LRRTM2: variants seen among roughly 807,000 people sequenced by gnomAD.
LRRTM2 encodes leucine-rich repeat transmembrane neuronal protein 2.
A neutral mutation model predicts 40.7 loss-of-function variants in LRRTM2; 14 were observed. The observed-to-expected ratio is 0.34, with a 90% CI of 0.23 to 0.54. LRRTM2 has a LOEUF of 0.54. Ranked by LOEUF, LRRTM2 falls within the 20% of genes least tolerant of loss-of-function variation. The probability of loss-of-function intolerance (pLI) is 0.92; values close to 1 mark genes in which losing one functional copy is unlikely to be tolerated. For missense variants in LRRTM2, 468 were observed against 624.4 expected (o/e 0.75, Z 2.67); for synonymous variants, 223 against 237.6 (o/e 0.94, Z 0.57).
chr5:138,874,827 C>G lies in LRRTM2; in HGVS notation c.4+81G>C, dbSNP rs1201500505. The G allele has an allele frequency of 2.2e-6, 3 of 1,350,514 alleles. No homozygotes were observed. Among genetic ancestry groups the G allele is most frequent in the Middle Eastern group, 1.8e-4 (1 of 5,500 alleles). 83.7% of individuals were successfully genotyped at this position (1,350,514 alleles called of 1,614,324 possible). A position where few individuals can be genotyped will look rare whatever the true frequency, so the allele number is the denominator to read the frequency against. The stretch of plus-strand genomic sequence containing the variant: ...TCCAAAATATGATGGTGATTTCCCT[C>G]ATAAAATGTGAATTCGGTAGCTTAT... On this transcript the variant is annotated intron_variant, in intron 1 of 1. Coordinates refer to ENST00000274711, the MANE Select transcript of LRRTM2 (RefSeq NM_015564.3). The surrounding 1 kb of genome is among the most constrained non-coding windows in gnomAD (Gnocchi z 4.1).
rs980088041 is a variant in LRRTM2, at chr5:138,869,156, A to G, written c.*3854T>C. 1 of 148,554 alleles carries G rather than the reference A, an allele frequency of 6.7e-6. No individual in the cohort carries two copies. The highest frequency in any genetic ancestry group is 1.5e-5 in the Non-Finnish European group (1 of 67,292). The allele number at this position is 148,554 out of a possible 1,614,324, so 9.2% of individuals were successfully genotyped here. A position where few individuals can be genotyped will look rare whatever the true frequency, so the allele number is the denominator to read the frequency against. On this transcript the variant is annotated 3_prime_UTR_variant, in exon 2 of 2. Coordinates refer to ENST00000274711, the MANE Select transcript of LRRTM2 (RefSeq NM_015564.3). ...GTGTTGATAGGAAGGTTCACCAAAC[A>G]TTCCATATATCAGACTTAAAAAAAA...
In LRRTM2 at chr5:138,873,037, C is replaced by G. The variant is rs1406949123; in HGVS notation, c.1524G>C (p.Gln508His). 1 of 1,607,660 alleles carries G rather than the reference C, an allele frequency of 6.2e-7. No homozygotes were observed. The highest frequency in any genetic ancestry group is 8.5e-7 in the Non-Finnish European group (1 of 1,176,856). Residue 508 changes from glutamine (Q) to histidine (H), a missense_variant, in exon 2 of 2, where the codon CAG becomes CAC. Physicochemically the swap from Gln to His is conservative, Grantham distance 24 (BLOSUM62 0). Coordinates refer to ENST00000274711, the MANE Select transcript of LRRTM2 (RefSeq NM_015564.3). The surrounding 1 kb of genome is among the most constrained non-coding windows in gnomAD (Gnocchi z 6.1). ...INGYGQCKCQ[Q>H]LPYKECEV is the part of the protein sequence containing the mutation. ...ATACTTCACATTCTTTGTATGGCAG[C>G]TGCTGACACTTGCACTGTCCATAAC...
In LRRTM2 at chr5:138,874,922, A is replaced by G. The variant is rs1478290361; in HGVS notation, c.-11T>C. On this transcript the variant is annotated 5_prime_UTR_variant, in exon 1 of 2. Transcript: ENST00000274711. This position sits in a 1 kb window ranked among gnomAD's most constrained non-coding sequence, Gnocchi z 4.1. ...CACAGACTTACCCATTCTTCTGAGC[A>G]CATTGGAGGCTGCATTCAGTCGCGG... 5 of 1,613,632 alleles carry G rather than the reference A, an allele frequency of 3.1e-6. No individual in the cohort carries two copies. Among genetic ancestry groups the G allele is most frequent in the South Asian group, 1.1e-5 (1 of 91,086 alleles).
chr5:138,872,852 A>T lies in LRRTM2; in HGVS notation c.*158T>A. 1.9e-6 allele frequency: 1 copy of T among 518,914 alleles called. No homozygotes were observed. Among genetic ancestry groups the T allele is most frequent in the African/African-American group, 1.9e-5 (1 of 51,814 alleles). The allele number at this position is 518,914 out of a possible 1,614,324, so 32.1% of individuals were successfully genotyped here. ...TAACACTTAAAATATGGTTTCATTT[A>T]AAAAATTAAAAATACTTCAACACTT... On this transcript the variant is annotated 3_prime_UTR_variant, in exon 2 of 2. Coordinates refer to ENST00000274711, the MANE Select transcript of LRRTM2 (RefSeq NM_015564.3).
Position 138,871,576 on chromosome 5 carries a change from C to T in LRRTM2, c.*1434G>A, listed in dbSNP as rs1750626455. On this transcript the variant is annotated 3_prime_UTR_variant, in exon 2 of 2. Coordinates refer to ENST00000274711, the MANE Select transcript of LRRTM2 (RefSeq NM_015564.3). ...TTCCCTTTTCAGCAGCAGGTCCTTT[C>T]CCTGTTTGGTGCAGATTGTGTATAA... 6.6e-6 allele frequency: 1 copy of T among 152,212 alleles called. No individual in the cohort carries two copies. 9.4% of individuals were successfully genotyped at this position (152,212 alleles called of 1,614,324 possible). A position where few individuals can be genotyped will look rare whatever the true frequency, so the allele number is the denominator to read the frequency against.
rs1257456326 is a variant in LRRTM2, at chr5:138,873,860, A to C, written c.701T>G (p.Leu234Arg). The change falls in exon 2 of 2, where the codon CTC (leucine) becomes CGC (arginine). Residue 234 changes from leucine (L) to arginine (R), a missense_variant. Leu to Arg is a moderately radical substitution (Grantham distance 102). Transcript: ENST00000274711. The surrounding 1 kb of genome is among the most constrained non-coding windows in gnomAD (Gnocchi z 6.1). ...HFLRLSSLHT[L>R]FLQWNKISNL... ...GCTGATTTTGTTCCATTGTAAGAAG[A>C]GCGTGTGCAGACTGCTTAGCCGTAG... 6.2e-7 allele frequency: 1 copy of C among 1,614,022 alleles called. No homozygotes were observed.
In LRRTM2 at chr5:138,874,901, G is replaced by GAC; in HGVS notation, c.4+5_4+6dup. ...AATGTACAAGACATATAAATGCACA[G>GAC]ACTTACCCATTCTTCTGAGCACATT... On this transcript the variant is annotated splice_region_variant and intron_variant, in intron 1 of 1. Coordinates refer to ENST00000274711, the MANE Select transcript of LRRTM2 (RefSeq NM_015564.3). This position sits in a 1 kb window ranked among gnomAD's most constrained non-coding sequence, Gnocchi z 4.1. 6.2e-7 allele frequency: 1 copy of GAC among 1,612,986 alleles called. No individual in the cohort carries two copies. Among genetic ancestry groups the GAC allele is most frequent in the Non-Finnish European group, 8.5e-7 (1 of 1,179,246 alleles).
In LRRTM2 at chr5:138,869,976, C is replaced by T. The variant is rs369906942; in HGVS notation, c.*3034G>A. 2 of 152,656 alleles carry T rather than the reference C, an allele frequency of 1.3e-5. No homozygotes were observed. The highest frequency in any genetic ancestry group is 4.8e-5 in the African/African-American group (2 of 41,530). The allele number at this position is 152,656 out of a possible 1,614,324, so 9.5% of individuals were successfully genotyped here. On this transcript the variant is annotated 3_prime_UTR_variant, in exon 2 of 2. Coordinates refer to ENST00000274711, the MANE Select transcript of LRRTM2 (RefSeq NM_015564.3). ...GTCATGCTACAGAAATGAATATAAA[C>T]GATTTCAAACTAGTTCTTGGTTTCT...
Position 138,873,188 on chromosome 5 carries a change from C to G in LRRTM2, c.1373G>C (p.Cys458Ser). 6.2e-7 allele frequency: 1 copy of G among 1,613,970 alleles called. No homozygotes were observed. The change falls in exon 2 of 2, where the codon TGC becomes TCC. Residue 458 changes from cysteine (C) to serine (S), a missense_variant. Cys to Ser is a moderately radical substitution (Grantham distance 112, BLOSUM62 -1). Coordinates refer to ENST00000274711, the MANE Select transcript of LRRTM2 (RefSeq NM_015564.3). This position sits in a 1 kb window ranked among gnomAD's most constrained non-coding sequence, Gnocchi z 6.1. ...CPPTLRRIRQ[C>S]SMVQNHRQLR... Reference sequence around the variant, plus strand: ...CTGCCTGTGGTTCTGAACCATTGAGCACTGCCTAATTCTTCTTAAAGTGGG... The same window carrying G: ...CTGCCTGTGGTTCTGAACCATTGAGGACTGCCTAATTCTTCTTAAAGTGGG...
In LRRTM2 at chr5:138,874,668, A is replaced by G. The variant is rs1446493984; in HGVS notation, c.5-112T>C. On this transcript the variant is annotated intron_variant, in intron 1 of 1. Transcript: ENST00000274711. The surrounding 1 kb of genome is among the most constrained non-coding windows in gnomAD (Gnocchi z 4.1). ...ACATTATAGCAAAAGATTTCACTGC[A>G]TATAACTTATTTTTCATTTACTGCA... 8.3e-5 allele frequency: 64 copies of G among 770,424 alleles called. 1 individual carries two copies. The South Asian group carries it at 1.2e-3, about 15-fold the overall frequency. 47.7% of individuals were successfully genotyped at this position (770,424 alleles called of 1,614,324 possible). A position where few individuals can be genotyped will look rare whatever the true frequency, so the allele number is the denominator to read the frequency against.
rs990379343 is a variant in LRRTM2 at position 138,871,453 on chromosome 5, A to G, written c.*1557T>C. The G allele has an allele frequency of 2.6e-5, 4 of 152,230 alleles. No homozygotes were observed. The highest frequency in any genetic ancestry group is 7.2e-5 in the African/African-American group (3 of 41,470). The allele number at this position is 152,230 out of a possible 1,614,324, so 9.4% of individuals were successfully genotyped here. A position where few individuals can be genotyped will look rare whatever the true frequency, so the allele number is the denominator to read the frequency against. ...TTCTTTAGAAATCATAATACAAGAAACTGAATACCTGTGGTTCTTTTCTGC... is the reference window on the plus strand; with the variant it reads ...TTCTTTAGAAATCATAATACAAGAAGCTGAATACCTGTGGTTCTTTTCTGC... On this transcript the variant is annotated 3_prime_UTR_variant, in exon 2 of 2. Coordinates refer to ENST00000274711, the MANE Select transcript of LRRTM2 (RefSeq NM_015564.3).
In LRRTM2 at chr5:138,874,574, A is replaced by G; in HGVS notation, c.5-18T>C. 4.8e-6 allele frequency: 7 copies of G among 1,444,304 alleles called. No individual in the cohort carries two copies. The highest frequency in any genetic ancestry group is 6.5e-6 in the Non-Finnish European group (7 of 1,072,464). The allele number at this position is 1,444,304 out of a possible 1,614,324, so 89.5% of individuals were successfully genotyped here. On this transcript the variant is annotated intron_variant, in intron 1 of 1. Transcript: ENST00000274711. The surrounding 1 kb of genome is among the most constrained non-coding windows in gnomAD (Gnocchi z 4.1). ...ATGTAAGCCTGCAGAATATAATTTA[A>G]GGAAAACAAGAAGATAGGATATTTT...
At position 138,870,716 on chromosome 5, in the gene LRRTM2, AGTTGT is replaced by A. The variant is rs1765257081; in HGVS notation, c.*2289_*2293del. 1 of 152,216 alleles carries A rather than the reference AGTTGT, an allele frequency of 6.6e-6. No individual in the cohort carries two copies. Among genetic ancestry groups the A allele is most frequent in the South Asian group, 2.1e-4 (1 of 4,830 alleles). The allele number at this position is 152,216 out of a possible 1,614,324, so 9.4% of individuals were successfully genotyped here. ...ATGGAATCTTGTGTGCTCAGGACAC[AGTTGT>A]GTTGTGACCAAGCTGTCTGTCACCT... is the stretch of plus-strand genomic sequence containing the variant. On this transcript the variant is annotated 3_prime_UTR_variant, in exon 2 of 2. Transcript: ENST00000274711.
Position 138,873,149 on chromosome 5 carries a change from G to A in LRRTM2, c.1412C>T (p.Thr471Ile), listed in dbSNP as rs372604994. The A allele has an allele frequency of 9.9e-6, 16 of 1,613,888 alleles. No individual in the cohort carries two copies. The highest frequency in any genetic ancestry group is 2.7e-5 in the African/African-American group (2 of 74,918). The change falls in exon 2 of 2, where the codon ACA becomes ATA. Residue 471 changes from threonine to isoleucine, a missense_variant. Physicochemically the swap from Thr to Ile is moderately conservative, Grantham distance 89. Transcript: ENST00000274711. This position sits in a 1 kb window ranked among gnomAD's most constrained non-coding sequence, Gnocchi z 6.1. ...VQNHRQLRSQ[T>I]RLHMSNMSDQ... ...TGACATGTTTGACATATGGAGTCGT[G>A]TTTGGGATCGGAGCTGCCTGTGGTT...
In LRRTM2 at chr5:138,871,222, G is replaced by T. The variant is rs1581368052; in HGVS notation, c.*1788C>A. Reference sequence around the variant, plus strand: ...ATGTTGATGTTGATGTTGGGGAAAAGATAACTTGAAAAATGGTAGTGGCTT... The same window carrying T: ...ATGTTGATGTTGATGTTGGGGAAAATATAACTTGAAAAATGGTAGTGGCTT... On this transcript the variant is annotated 3_prime_UTR_variant, in exon 2 of 2. Transcript: ENST00000274711. 1 of 152,188 alleles carries T rather than the reference G, an allele frequency of 6.6e-6. No individual in the cohort carries two copies. Among genetic ancestry groups the T allele is most frequent in the Non-Finnish European group, 1.5e-5 (1 of 68,022 alleles). 9.4% of individuals were successfully genotyped at this position (152,188 alleles called of 1,614,324 possible). A position where few individuals can be genotyped will look rare whatever the true frequency, so the allele number is the denominator to read the frequency against.
rs1434219595 is a variant in LRRTM2, at chr5:138,874,435, C to T, written c.126G>A (p.Lys42=). The T allele has an allele frequency of 1.9e-6, 3 of 1,613,832 alleles. No homozygotes were observed. Among genetic ancestry groups the T allele is most frequent in the Non-Finnish European group, 1.7e-6 (2 of 1,179,830 alleles). Reference sequence around the variant, plus strand: ...CCTGAGAGTCGCAGTAGAAGAGCAGCTTCTCGCAGCGGCATTTGGGTGGAC... The same window carrying T: ...CCTGAGAGTCGCAGTAGAAGAGCAGTTTCTCGCAGCGGCATTTGGGTGGAC... The part of the protein sequence containing the change: ...MACPPKCRCE[K]LLFYCDSQGF... The change falls in exon 2 of 2, where the codon AAG becomes AAA. Residue 42 remains lysine (K), a synonymous_variant. Transcript: ENST00000274711. The surrounding 1 kb of genome is among the most constrained non-coding windows in gnomAD (Gnocchi z 4.1).
At position 138,870,077 on chromosome 5, in the gene LRRTM2, G is replaced by C. The variant is rs986762918; in HGVS notation, c.*2933C>G. On this transcript the variant is annotated 3_prime_UTR_variant, in exon 2 of 2. Coordinates refer to ENST00000274711, the MANE Select transcript of LRRTM2 (RefSeq NM_015564.3). ...TTAATTATTTTTCTGGTTCTTAATG[G>C]TCATTTTCCTCTAATCTTAAAAATA... The C allele has an allele frequency of 3.3e-5, 5 of 152,054 alleles. No homozygotes were observed. Among genetic ancestry groups the C allele is most frequent in the African/African-American group, 1.2e-4 (5 of 41,370 alleles). 9.4% of individuals were successfully genotyped at this position (152,054 alleles called of 1,614,324 possible). A position where few individuals can be genotyped will look rare whatever the true frequency, so the allele number is the denominator to read the frequency against.
Position 138,874,333 on chromosome 5 carries a change from G to C in LRRTM2, c.228C>G (p.Leu76=), listed in dbSNP as rs183535931. 4 of 1,613,892 alleles carry C rather than the reference G, an allele frequency of 2.5e-6. No homozygotes were observed. Among genetic ancestry groups the C allele is most frequent in the Non-Finnish European group, 3.4e-6 (4 of 1,179,892 alleles). The part of the protein sequence containing the change: ...LSLRHNHITE[L]ERDQFASFSQ... ...TGAAGCTGGCAAATTGATCTCTTTC[G>C]AGCTCTGTGATGTGATTGTGCCTCA... Residue 76 remains leucine, a synonymous_variant, in exon 2 of 2, where the codon CTC becomes CTG. Transcript: ENST00000274711. This position sits in a 1 kb window ranked among gnomAD's most constrained non-coding sequence, Gnocchi z 4.1.
In LRRTM2 at chr5:138,874,390, G is replaced by C; in HGVS notation, c.171C>G (p.Asn57Lys). 6.2e-7 allele frequency: 1 copy of C among 1,613,980 alleles called. No individual in the cohort carries two copies. Reference protein sequence around the residue: ...CDSQGFHSVPNATDKGSLGLS... With the variant: ...CDSQGFHSVPKATDKGSLGLS... ...GGCCCAGAGAGCCCTTGTCTGTGGCGTTTGGCACTGAGTGGAAGCCCTGAG... is the reference window on the plus strand; with the variant it reads ...GGCCCAGAGAGCCCTTGTCTGTGGCCTTTGGCACTGAGTGGAAGCCCTGAG... The change falls in exon 2 of 2, where the codon AAC becomes AAG. Residue 57 changes from asparagine to lysine, a missense_variant. Coordinates refer to ENST00000274711, the MANE Select transcript of LRRTM2 (RefSeq NM_015564.3). This position sits in a 1 kb window ranked among gnomAD's most constrained non-coding sequence, Gnocchi z 4.1.
Sources: gnomAD v4.1 joint callset for allele counts on GRCh38, gnomAD v4.1.1 for gene constraint, Gnocchi (gnomAD v3.1) non-coding constraint, MANE v1.5 for transcripts, NCBI Gene and HGNC (gene_info 2026-07-23, HGNC 2026-07-21) for gene names.